BRWD1: variants seen among roughly 807,000 people sequenced by gnomAD.
The protein encoded by BRWD1 is bromodomain and WD repeat-containing protein 1.
Under a neutral mutation model 251.2 loss-of-function variants are expected in BRWD1, and 82 were observed. The ratio of observed to expected loss-of-function variants is 0.33; its 90% CI spans 0.27 to 0.39. The LOEUF (loss-of-function observed/expected upper bound fraction) is 0.39, where lower values mean the gene tolerates loss of function less well. Among genes scored for constraint, BRWD1 ranks in the 10% least tolerant of loss-of-function variants. The pLI, the probability that BRWD1 is intolerant of heterozygous loss-of-function variation, is 1.00. For synonymous variants in BRWD1, 918 were observed against 902.8 expected (o/e 1.02, Z -0.30); for missense variants, 2,233 against 2,711.6 (o/e 0.82, Z 3.92).
In BRWD1 at chr21:39,232,508, G is replaced by A. The variant is rs769924565; in HGVS notation, c.2767-10C>T. 29 of 1,581,032 alleles carry A rather than the reference G, an allele frequency of 1.8e-5. No individual in the cohort carries two copies. Among genetic ancestry groups the A allele is most frequent in the Non-Finnish European group, 2.2e-5 (26 of 1,172,424 alleles). On this transcript the variant is annotated splice_polypyrimidine_tract_variant and intron_variant, in intron 23 of 40. Coordinates refer to ENST00000342449, the MANE Select transcript of BRWD1 (RefSeq NM_033656.4). ...TCATCCTCCGCAAATTCTACCAAGG[G>A]GAAGAGAACAAAGTTTCTTAGATTA... is the stretch of plus-strand genomic sequence containing the variant.
intron 4 of BRWD1, among the ~76,000 whole-genome samples, chr21:39,299,257 A>AT (rs1226266291): frequency 2.4e-5 from 3 of 125,094 alleles, no homozygotes; most frequent in Admixed American, 8.7e-5. Context: ...CAAAAAAAAA[A>AT]AAATATATAT....
intron 8 of BRWD1, among the ~76,000 whole-genome samples, chr21:39,285,888 A>AT (rs2146721384): frequency 6.6e-6 from 1 of 151,492 alleles, no homozygotes; most frequent in Admixed American, 6.6e-5. Flanking sequence ...AAAAAAAAAA[A>AT]AAAAAGAATG....
In BRWD1 at chr21:39,218,377, CTAAAT is replaced by C; in HGVS notation, c.3539-110_3539-106del. The C allele has an allele frequency of 2.1e-6, 3 of 1,446,820 alleles. No homozygotes were observed. In the South Asian group the frequency reaches 4.3e-5, roughly 21 times the overall value. The allele number at this position is 1,446,820 out of a possible 1,614,324, so 89.6% of individuals were successfully genotyped here. A position where few individuals can be genotyped will look rare whatever the true frequency, so the allele number is the denominator to read the frequency against. ...ATATGGCTACATTTAACATTACAGG[CTAAAT>C]TAAAAGATAACCAATACAAAGTGTA... On this transcript the variant is annotated intron_variant, in intron 30 of 40. Coordinates refer to ENST00000342449, the MANE Select transcript of BRWD1 (RefSeq NM_033656.4).
chr21:39,303,281 G>A (rs2036179295), intron 4 of BRWD1, among the ~76,000 whole-genome samples: 1 of 151,688 alleles, frequency 6.6e-6, no homozygotes, highest in Admixed American at 6.6e-5. Context: ...CACTTTGAGA[G>A]GCCAAGACAG....
Position 39,269,941 on chromosome 21 carries a change from C to A in BRWD1, c.1488G>T (p.Trp496Cys). The change falls in exon 15 of 41, where the codon TGG becomes TGT. Residue 496 changes from tryptophan (W) to cysteine (C), a missense_variant. Physicochemically the swap from Trp to Cys is radical, Grantham distance 215 (BLOSUM62 -2). Transcript: ENST00000342449. ...SAGHDGSIFI[W>C]DITKGTKMKH... ...TCATCTTGGTACCTTTTGTAATATCCCATATAAATATGCTGCCATCATGTC... is the reference window on the plus strand; with the variant it reads ...TCATCTTGGTACCTTTTGTAATATCACATATAAATATGCTGCCATCATGTC... 1.3e-6 allele frequency: 2 copies of A among 1,569,700 alleles called. No individual in the cohort carries two copies. Among genetic ancestry groups the A allele is most frequent in the Non-Finnish European group, 8.6e-7 (1 of 1,156,308 alleles).
At chr21:39,214,955 C>T (rs1209747206) in intron 32 of BRWD1, among the ~76,000 whole-genome samples, 5 of 149,712 alleles carry the variant, frequency 3.3e-5, no homozygotes, top group Admixed American at 1.3e-4. Context: ...GATCCACACA[C>T]GATTGGGCTC....
In BRWD1 at chr21:39,232,219, T is replaced by A. The variant is rs1252850732; in HGVS notation, c.2958A>T (p.Glu986Asp). ...TCCATGGCTCCTTATTAGGGTTCAG[T>A]TCATAAATATTATTTCTTCTTACAG... ...IEAVRRNNIY[E>D]LNPNKEPWRK... Residue 986 changes from glutamate to aspartate, a missense_variant, in exon 25 of 41, where the codon GAA (glutamate) becomes GAT (aspartate). Transcript: ENST00000342449. 1 of 1,613,380 alleles carries A rather than the reference T, an allele frequency of 6.2e-7. No homozygotes were observed. The highest frequency in any genetic ancestry group is 8.5e-7 in the Non-Finnish European group (1 of 1,179,680).
At position 39,193,074 on chromosome 21, in the gene BRWD1, G is replaced by A. The variant is rs2031637166; in HGVS notation, c.*3185C>T. 5 of 985,006 alleles carry A rather than the reference G, an allele frequency of 5.1e-6. No individual in the cohort carries two copies. The highest frequency in any genetic ancestry group is 6.0e-6 in the Non-Finnish European group (5 of 829,686). The allele number at this position is 985,006 out of a possible 1,614,324, so 61.0% of individuals were successfully genotyped here. On this transcript the variant is annotated 3_prime_UTR_variant, in exon 41 of 41. Coordinates refer to ENST00000342449, the MANE Select transcript of BRWD1 (RefSeq NM_033656.4). ...CTTTTGGACAGTAACACCCTCAGATGGTATTTTTATTGGTTTGTTTTATAT... is the reference window on the plus strand; with the variant it reads ...CTTTTGGACAGTAACACCCTCAGATAGTATTTTTATTGGTTTGTTTTATAT...
Position 39,194,211 on chromosome 21 carries a change from T to A in BRWD1, c.*2048A>T. 1 of 982,840 alleles carries A rather than the reference T, an allele frequency of 1.0e-6. No individual in the cohort carries two copies. Among genetic ancestry groups the A allele is most frequent in the South Asian group, 4.7e-5 (1 of 21,440 alleles). The allele number at this position is 982,840 out of a possible 1,614,324, so 60.9% of individuals were successfully genotyped here. A position where few individuals can be genotyped will look rare whatever the true frequency, so the allele number is the denominator to read the frequency against. Reference sequence around the variant, plus strand: ...GAAGCCTAAACTGTCAAAATATTGTTTTATACCAAAAGAATGTATGTACTT... The same window carrying A: ...GAAGCCTAAACTGTCAAAATATTGTATTATACCAAAAGAATGTATGTACTT... On this transcript the variant is annotated 3_prime_UTR_variant, in exon 41 of 41. Transcript: ENST00000342449.
In BRWD1 at chr21:39,188,580, G is replaced by A. The variant is rs1038627096; in HGVS notation, c.*7679C>T. 1.2e-5 allele frequency: 12 copies of A among 985,084 alleles called. No individual in the cohort carries two copies. Among genetic ancestry groups the A allele is most frequent in the Non-Finnish European group, 1.4e-5 (12 of 829,626 alleles). 61.0% of individuals were successfully genotyped at this position (985,084 alleles called of 1,614,324 possible). A position where few individuals can be genotyped will look rare whatever the true frequency, so the allele number is the denominator to read the frequency against. The stretch of plus-strand genomic sequence containing the variant: ...CCCTTCTGTCACAAAGCTGACTGAA[G>A]GGCAGATGAGTACAGGTAAAAACTG... On this transcript the variant is annotated 3_prime_UTR_variant, in exon 41 of 41. Transcript: ENST00000342449.
chr21:39,314,644 C>T, upstream of BRWD1: 1 of 330,260 alleles, frequency 3.0e-6, no homozygotes, highest in East Asian at 8.4e-5. Flanking sequence ...CCTGCTCTGG[C>T]CCCTAAAGTA....
At position 39,299,981 on chromosome 21, in the gene BRWD1, T is replaced by C. The variant is rs183231221; in HGVS notation, c.199-1399A>G. 7.2e-5 allele frequency among the ~76,000 whole-genome samples: 11 copies of C among 151,786 alleles called. No individual in the cohort carries two copies. The East Asian group carries it at 7.7e-4, about 11-fold the overall frequency. On this transcript the variant is annotated intron_variant, in intron 4 of 40. Transcript: ENST00000342449. ...CCTGGGCGACAAGAGTGAAACTCCA[T>C]CTAAAAAAAATAAAGTTAAAGAAAA...
chr21:39,284,876 C>T (rs1032359482), intron 8 of BRWD1, among the ~76,000 whole-genome samples: 4 of 152,120 alleles, frequency 2.6e-5, no homozygotes, highest in African/African-American at 7.2e-5. Flanking sequence ...GTTGTCTCTT[C>T]GATCTATATT....
At chr21:39,257,227 TGAA>T (rs2034589303) in intron 18 of BRWD1, among the ~76,000 whole-genome samples, 1 of 148,512 alleles carries the variant, frequency 6.7e-6, no homozygotes, top group Non-Finnish European at 1.5e-5. Flanking sequence ...AAAAATAGGA[TGAA>T]GAATTCTGTG....
At chr21:39,289,125 C>T (rs570042203) in intron 8 of BRWD1, among the ~76,000 whole-genome samples, 11 of 152,164 alleles carry the variant, frequency 7.2e-5, no homozygotes, top group Non-Finnish European at 1.6e-4. Context: ...TTGACATTTA[C>T]TATCCCAGTA....
At chr21:39,312,514 G>A (rs950065803) in intron 4 of BRWD1, 1 of 240,166 alleles carries the variant, frequency 4.2e-6, no homozygotes, top group Non-Finnish European at 8.3e-6. Context: ...GGAAGCGAAT[G>A]AAACCGCCCA....
At chr21:39,200,501 C>A in intron 38 of BRWD1, 115 bp from the exon 39 acceptor site, 1 of 831,190 alleles carries the variant, frequency 1.2e-6, no homozygotes, top group East Asian at 3.1e-5. Flanking sequence ...AAGCAGATTC[C>A]TAAAATGCTT....
chr21:39,233,997 G>A (rs2033720081), intron 23 of BRWD1, among the ~76,000 whole-genome samples: 2 of 152,126 alleles, frequency 1.3e-5, no homozygotes, highest in Non-Finnish European at 2.9e-5. Context: ...TCCAGCCTGG[G>A]TGACAGAGTA....
At chr21:39,283,874 G>C (rs2035550006) in intron 8 of BRWD1, among the ~76,000 whole-genome samples, 1 of 151,844 alleles carries the variant, frequency 6.6e-6, no homozygotes, top group South Asian at 2.1e-4. Flanking sequence ...TTTTTTCTAA[G>C]ATGGATTAGC....
Sources: allele counts gnomAD v4.1 joint callset (sites outside exome capture counted in the v4.1 genomes callset), GRCh38; gene constraint gnomAD v4.1.1; transcripts MANE v1.5; gene names NCBI Gene and HGNC (gene_info 2026-07-23, HGNC 2026-07-21).